Variants in LRRC37A2 observed in about 807,000 individuals in gnomAD.
LRRC37A2 encodes the protein leucine-rich repeat-containing protein 37A2.
In LRRC37A2, 9 loss-of-function variants were observed where a neutral mutation model predicts 68.8. That is an observed-to-expected ratio of 0.13 (90% CI 0.08 to 0.23). The LOEUF (loss-of-function observed/expected upper bound fraction) is 0.23. Ranked by LOEUF, LRRC37A2 falls within the 10% of genes least tolerant of loss-of-function variation. LRRC37A2 has a pLI of 1.00. For missense variants in LRRC37A2, 168 were observed against 950.4 expected (o/e 0.18, Z 10.82); for synonymous variants, 63 against 367.6 (o/e 0.17, Z 9.48).
At chr17:46,935,378 A>T in the LRRC37A2 span, 1 of 1,441,854 alleles carries the variant, frequency 6.9e-7, no homozygotes, top group African/African-American at 1.4e-5. Flanking sequence ...CTTGAAACAA[A>T]CCATGAAGTG....
the LRRC37A2 span, among the ~76,000 whole-genome samples, chr17:46,394,859 A>C: frequency 1.2e-4 from 2 of 16,588 alleles, no homozygotes; most frequent in African/African-American, 4.1e-4. Context: ...GGCATTATTC[A>C]TAGTTGCCAA....
the LRRC37A2 span, among the ~76,000 whole-genome samples, chr17:46,746,180 G>A: frequency 1.3e-5 from 2 of 152,186 alleles, no homozygotes; most frequent in Non-Finnish European, 2.9e-5. Flanking sequence ...CTGATGATAA[G>A]CATTTGATTT....
the LRRC37A2 span, among the ~76,000 whole-genome samples, chr17:46,887,079 A>G: frequency 1.2e-4 from 19 of 152,104 alleles, no homozygotes; most frequent in Non-Finnish European, 2.6e-4. Context: ...GGCCTCCCAA[A>G]GTGCTGGGAT....
At chr17:46,533,509 T>C (rs2054047889) in intron 6 of LRRC37A2, among the ~76,000 whole-genome samples, 1 of 146,918 alleles carries the variant, frequency 6.8e-6, no homozygotes, top group South Asian at 2.1e-4. Flanking sequence ...TTTTTTTTTT[T>C]TCTTTATTTT....
the LRRC37A2 span, among the ~76,000 whole-genome samples, chr17:46,845,290 C>A: frequency 6.6e-6 from 1 of 152,108 alleles, no homozygotes; most frequent in Non-Finnish European, 1.5e-5. Context: ...GAATGCCCTG[C>A]TGCTCCGTGC....
chr17:46,954,928 T>TG, the LRRC37A2 span, among the ~76,000 whole-genome samples: 2 of 152,212 alleles, frequency 1.3e-5, no homozygotes, highest in Non-Finnish European at 2.9e-5. Flanking sequence ...GCTGAGACAG[T>TG]GGGGTTTTCT....
the LRRC37A2 span, among the ~76,000 whole-genome samples, chr17:46,864,759 C>T: frequency 6.6e-6 from 1 of 152,262 alleles, no homozygotes; most frequent in East Asian, 1.9e-4. Flanking sequence ...GGCCACAGAC[C>T]CAGCCCTGCT....
At chr17:46,973,777 C>T in the LRRC37A2 span, among the ~76,000 whole-genome samples, 1 of 152,016 alleles carries the variant, frequency 6.6e-6, no homozygotes, top group African/African-American at 2.4e-5. Flanking sequence ...CTCGGAAATC[C>T]CACTTAAGTC....
chr17:46,901,972 T>C, the LRRC37A2 span, among the ~76,000 whole-genome samples: 1 of 152,256 alleles, frequency 6.6e-6, no homozygotes, highest in Admixed American at 6.5e-5. Context: ...TGTGCCCAGC[T>C]AATTTTTGTA....
the LRRC37A2 span, chr17:46,975,571 G>C: frequency 6.6e-6 from 1 of 152,150 alleles, no homozygotes; most frequent in Non-Finnish European, 1.5e-5. Flanking sequence ...GAACTAAGAC[G>C]GTCTACAAAT....
the LRRC37A2 span, among the ~76,000 whole-genome samples, chr17:47,043,323 A>G: frequency 1.4e-4 from 21 of 152,072 alleles, no homozygotes; most frequent in Admixed American, 9.8e-4. Context: ...TGCCTAATAC[A>G]TTTCAGACAT....
chr17:46,726,459 TTAG>T, the LRRC37A2 span: 6 of 1,135,998 alleles, frequency 5.3e-6, no homozygotes, highest in Non-Finnish European at 8.0e-6. Flanking sequence ...TGTGCTTTGT[TTAG>T]TATTGCTCAA....
chr17:46,712,233 C>T, the LRRC37A2 span, among the ~76,000 whole-genome samples: 3 of 152,118 alleles, frequency 2.0e-5, no homozygotes, highest in Non-Finnish European at 4.4e-5. Flanking sequence ...AAAATGACCT[C>T]ATTATTATTG....
At chr17:46,818,835 C>A in the LRRC37A2 span, 2 of 572,194 alleles carry the variant, frequency 3.5e-6, no homozygotes, top group Non-Finnish European at 6.2e-6. Context: ...TGTAGTTCAG[C>A]CTGTCAATCA....
the LRRC37A2 span, among the ~76,000 whole-genome samples, chr17:46,896,450 GAAAAA>G: frequency 8.0e-3 from 437 of 54,834 alleles, 7 homozygotes; most frequent in African/African-American, 0.02. Context: ...AAGAAAGAAA[GAAAAA>G]GAAAGAAAGA....
At chr17:46,835,214 C>CT in the LRRC37A2 span, among the ~76,000 whole-genome samples, 6 of 151,508 alleles carry the variant, frequency 4.0e-5, no homozygotes, top group Non-Finnish European at 5.9e-5. Flanking sequence ...GTCCCTTATT[C>CT]TTTTTTTTCT....
chr17:46,839,962 TTCTTTCTTTCTTTCTC>T, the LRRC37A2 span, among the ~76,000 whole-genome samples: 4 of 140,296 alleles, frequency 2.9e-5, no homozygotes, highest in African/African-American at 1.1e-4. Flanking sequence ...CTTTCTTTCT[TTCTTTCTTTCTTTCTC>T]TTCTTTCTTT....
chr17:46,833,504 C>A, the LRRC37A2 span: 1 of 457,308 alleles, frequency 2.2e-6, no homozygotes, highest in Non-Finnish European at 4.4e-6. Flanking sequence ...ACCTCACTGC[C>A]TGACTTCTCT....
chr17:46,816,598 G>A, the LRRC37A2 span, among the ~76,000 whole-genome samples: 1 of 151,872 alleles, frequency 6.6e-6, no homozygotes. Flanking sequence ...ATTATGTTAG[G>A]GCCAATGTCT....
Sources: gnomAD v4.1 joint callset for allele counts (sites outside exome capture counted in the v4.1 genomes callset) on GRCh38, gnomAD v4.1.1 for gene constraint, MANE v1.5 for transcripts, NCBI Gene and HGNC (gene_info 2026-07-23, HGNC 2026-07-21) for gene names.